PPP1R9A: variants seen among roughly 807,000 people sequenced by gnomAD.
PPP1R9A encodes the protein protein phosphatase 1 regulatory subunit 9A.
In PPP1R9A, 59 loss-of-function variants were observed where a neutral mutation model predicts 141.9. The observed-to-expected ratio is 0.42, with a 90% CI of 0.34 to 0.52. PPP1R9A has a LOEUF of 0.52. PPP1R9A is among the 20% of genes least tolerant of loss of function. The probability of loss-of-function intolerance (pLI) is 0.10; values close to 1 mark genes in which losing one functional copy is unlikely to be tolerated. For synonymous variants in PPP1R9A, 500 were observed against 569.7 expected, an observed-to-expected ratio of 0.88 and a Z score of 1.74; for missense variants, 1,444 against 1,611.9, an observed-to-expected ratio of 0.90 and a Z score of 1.78.
At chr7:95,216,397 C>G (rs150551875) in intron 7 of PPP1R9A, among the ~76,000 whole-genome samples, 1,688 of 152,236 alleles carry the variant, frequency 0.011, 32 homozygotes, top group African/African-American at 0.038. Context: ...AGTCAGGTAG[C>G]ATGATGCCTC....
intron 6 of PPP1R9A, among the ~76,000 whole-genome samples, chr7:95,201,358 C>G: frequency 6.6e-6 from 1 of 152,158 alleles, no homozygotes. Context: ...TCCTCTGTGA[C>G]TTGGGTTTTT....
chr7:95,009,989 T>C (rs1804183128), intron 2 of PPP1R9A, among the ~76,000 whole-genome samples: 1 of 152,168 alleles, frequency 6.6e-6, no homozygotes, highest in Non-Finnish European at 1.5e-5. Context: ...TTAAGAGCCT[T>C]TCCATGCTAG....
chr7:95,263,413 TTGTTGTTGTTGTTGC>T (rs952498889), intron 12 of PPP1R9A, among the ~76,000 whole-genome samples: 2 of 108,360 alleles, frequency 1.8e-5, no homozygotes, highest in African/African-American at 3.3e-5. Context: ...TCTTTCCAGT[TTGTTGTTGTTGTTGC>T]TGTTGTTGTT....
Position 95,212,198 on chromosome 7 carries a change from A to G in PPP1R9A, c.1956+8468A>G, listed in dbSNP as rs950800465. Among the ~76,000 whole-genome samples the G allele has an allele frequency of 3.9e-5, 6 of 152,250 alleles. No homozygotes were observed. In the East Asian group the frequency reaches 7.7e-4, roughly 20 times the overall value. ...GATTCTTTTAAAAATATTTTTATTG[A>G]TGCATAAGATATACATCATTTCAGG... On this transcript the variant is annotated intron_variant, in intron 7 of 19. Coordinates refer to ENST00000433360, the MANE Select transcript of PPP1R9A (RefSeq NM_001166160.2).
At chr7:94,975,999 A>T (rs76228672) in intron 2 of PPP1R9A, among the ~76,000 whole-genome samples, 3,391 of 152,038 alleles carry the variant, frequency 0.022, 126 homozygotes, top group African/African-American at 0.078. Context: ...GTCATTATTA[A>T]GTTTATGTCT....
At chr7:95,105,675 A>T (rs1476528576) in intron 2 of PPP1R9A, among the ~76,000 whole-genome samples, 2 of 152,222 alleles carry the variant, frequency 1.3e-5, no homozygotes, top group Non-Finnish European at 2.9e-5. Context: ...TCTGATTATT[A>T]TCTGATTAAT....
At chr7:95,219,666 G>T (rs956414236) in intron 7 of PPP1R9A, among the ~76,000 whole-genome samples, 4 of 151,896 alleles carry the variant, frequency 2.6e-5, no homozygotes, top group African/African-American at 9.7e-5. Context: ...TGATAAGTGG[G>T]AGAAAAAAAT....
chr7:95,202,079 T>A (rs1229872817), intron 6 of PPP1R9A, among the ~76,000 whole-genome samples: 1 of 152,192 alleles, frequency 6.6e-6, no homozygotes, highest in Non-Finnish European at 1.5e-5. Flanking sequence ...CCTGAAATTA[T>A]AAACCTACAG....
At chr7:95,095,313 A>G (rs566388076) in intron 2 of PPP1R9A, among the ~76,000 whole-genome samples, 1 of 152,310 alleles carries the variant, frequency 6.6e-6, no homozygotes, top group South Asian at 2.1e-4. Context: ...GCCTATTTAC[A>G]AAACCATCAG....
At chr7:94,951,982 A>G (rs1373197815) in intron 2 of PPP1R9A, among the ~76,000 whole-genome samples, 2 of 152,016 alleles carry the variant, frequency 1.3e-5, no homozygotes, top group East Asian at 3.9e-4. Context: ...TTATACTTTA[A>G]GTTCTGGGAT....
chr7:95,000,066 G>T (rs1802702460), intron 2 of PPP1R9A, among the ~76,000 whole-genome samples: 1 of 152,074 alleles, frequency 6.6e-6, no homozygotes, highest in Non-Finnish European at 1.5e-5. Context: ...GCCTCCCAAA[G>T]TTCTGGGATT....
chr7:94,915,292 G>A (rs1791937486), intron 2 of PPP1R9A, among the ~76,000 whole-genome samples: 1 of 152,138 alleles, frequency 6.6e-6, no homozygotes, highest in South Asian at 2.1e-4. Context: ...GGGCATTCAT[G>A]GATATATGAA....
At chr7:94,969,396 AGGCC>A (rs1247041996) in intron 2 of PPP1R9A, among the ~76,000 whole-genome samples, 9 of 152,132 alleles carry the variant, frequency 5.9e-5, no homozygotes, top group Admixed American at 5.9e-4. Context: ...TCTAACAGTC[AGGCC>A]CCCCTGCTGC....
At chr7:95,046,269 T>C (rs1388117619) in intron 2 of PPP1R9A, among the ~76,000 whole-genome samples, 1 of 151,986 alleles carries the variant, frequency 6.6e-6, no homozygotes, top group Admixed American at 6.6e-5. Flanking sequence ...TTAGTACAGA[T>C]GGGGTTTCAC....
At chr7:95,099,811 TTAAAA>T (rs755782936) in intron 2 of PPP1R9A, among the ~76,000 whole-genome samples, 26 of 151,934 alleles carry the variant, frequency 1.7e-4, no homozygotes, top group African/African-American at 4.3e-4. Context: ...AAAATGAAAA[TTAAAA>T]TAAAAAAATA....
At chr7:95,089,617 A>G (rs539246032) in intron 2 of PPP1R9A, among the ~76,000 whole-genome samples, 1 of 152,104 alleles carries the variant, frequency 6.6e-6, no homozygotes, top group Non-Finnish European at 1.5e-5. Flanking sequence ...AATCCACCAC[A>G]GGGAGCGGAG....
At chr7:95,028,719 G>A (rs1054304018) in intron 2 of PPP1R9A, among the ~76,000 whole-genome samples, 4 of 152,130 alleles carry the variant, frequency 2.6e-5, no homozygotes, top group Admixed American at 6.5e-5. Flanking sequence ...TGCTTGTTAC[G>A]TAAAGAACAT....
intron 4 of PPP1R9A, among the ~76,000 whole-genome samples, chr7:95,128,903 T>G (rs780353224): frequency 1.3e-5 from 2 of 152,198 alleles, no homozygotes; most frequent in Non-Finnish European, 1.5e-5. Flanking sequence ...TTTTGAAGAC[T>G]TAGTCATAAA....
rs563902583 is a variant in PPP1R9A at position 94,931,661 on chromosome 7, C to G, written c.1395+20153C>G. The stretch of plus-strand genomic sequence containing the variant: ...TGGTGCAACCTCGGCTCACCGCAAC[C>G]TCCACCTCCCAGGTTTAAGTGATTC... On this transcript the variant is annotated intron_variant, in intron 2 of 19. Coordinates refer to ENST00000433360, the MANE Select transcript of PPP1R9A (RefSeq NM_001166160.2). 2.2e-3 allele frequency among the ~76,000 whole-genome samples: 335 copies of G among 152,288 alleles called. 2 individuals are homozygous for G. Among genetic ancestry groups the G allele is most frequent in the Middle Eastern group, 3.4e-3 (1 of 294 alleles).
Sources: allele counts gnomAD v4.1 joint callset (sites outside exome capture counted in the v4.1 genomes callset), GRCh38; gene constraint gnomAD v4.1.1; transcripts MANE v1.5; gene names NCBI Gene and HGNC (gene_info 2026-07-23, HGNC 2026-07-21).